The following L1CAM variants were observed in gnomAD, a reference collection of about 807,000 sequenced individuals.
L1CAM encodes the protein neural cell adhesion molecule L1.
Under a neutral mutation model 93.0 loss-of-function variants are expected in L1CAM, and 8 were observed. The ratio of observed to expected loss-of-function variants is 0.09; its 90% CI spans 0.05 to 0.16. The LOEUF (loss-of-function observed/expected upper bound fraction) is 0.16, where lower values mean the gene tolerates loss of function less well. Among genes scored for constraint, L1CAM ranks in the 10% least tolerant of loss-of-function variants. L1CAM has a pLI of 1.00. For missense variants in L1CAM, 777 were observed against 1,073.4 expected (o/e 0.72, Z 3.86); for synonymous variants, 453 against 453.0 (o/e 1.00, Z 0.00).
intron 25 of L1CAM, 146 bp downstream of exon 25, chrX:153,864,176 C>T (rs1380049361): frequency 7.0e-6 from 7 of 1,002,412 alleles, no homozygotes; most frequent in Admixed American, 6.6e-5. Context: ...GGGGCTGATT[C>T]GGGGACACCC....
intron 1 of L1CAM, among the ~76,000 whole-genome samples, chrX:153,881,712 C>G (rs1237843020): frequency 1.8e-5 from 2 of 111,311 alleles, no homozygotes; most frequent in Non-Finnish European, 3.8e-5. Context: ...TTCTTGCAAC[C>G]AGAGGCTCCA....
intron 16 of L1CAM, 92 bp downstream of exon 16, chrX:153,867,708 C>T (rs2064727241): frequency 1.0e-6 from 1 of 998,835 alleles, no homozygotes. Flanking sequence ...AACCGTGTCC[C>T]CCCAGGAAGG....
intron 1 of L1CAM, among the ~76,000 whole-genome samples, chrX:153,881,560 C>A (rs1240402265): frequency 9.0e-6 from 1 of 111,637 alleles, no homozygotes; most frequent in Non-Finnish European, 1.9e-5. Flanking sequence ...AGCTGAAGCC[C>A]GACACCAAAC....
At chrX:153,874,899 C>G (rs4646264) in intron 2 of L1CAM, among the ~76,000 whole-genome samples, 5,333 of 112,095 alleles carry the variant, frequency 0.048, 149 homozygotes, top group African/African-American at 0.1. Flanking sequence ...GCCCCACTCA[C>G]ACATACACAT....
chrX:153,881,318 C>T (rs989567663), intron 1 of L1CAM, among the ~76,000 whole-genome samples: 3 of 111,792 alleles, frequency 2.7e-5, no homozygotes, highest in Non-Finnish European at 5.7e-5. Flanking sequence ...TTTTAGAGGG[C>T]GTGGTGGCTC....
intron 26 of L1CAM, 109 bp from the exon 27 acceptor site, chrX:153,863,658 G>C: frequency 1.1e-6 from 1 of 871,019 alleles, no homozygotes; most frequent in Admixed American, 2.6e-5. Context: ...GCGCCCAGAG[G>C]CAAGAGGCCT....
rs782006675 is a variant in L1CAM at position 153,863,461 on chromosome X, T to C, written c.3530+16A>G. 4.1e-6 allele frequency: 5 copies of C among 1,207,957 alleles called. No homozygotes were observed. Among genetic ancestry groups the C allele is most frequent in the African/African-American group, 1.8e-5 (1 of 56,956 alleles). On this transcript the variant is annotated intron_variant, in intron 27 of 28. Transcript: ENST00000370060. ...GGTGGAGCTGAGTGCCAGCACCCAC[T>C]CCTGCCCCGGCTCACCTGTACTCGC...
chrX:153,863,629 C>T, intron 26 of L1CAM, 80 bp from the exon 27 acceptor site: 2 of 969,850 alleles, frequency 2.1e-6, no homozygotes, highest in South Asian at 4.1e-5. Context: ...CCCCGCACCC[C>T]CAGCACTCTG....
At chrX:153,867,730 G>A (rs1241644848) in intron 16 of L1CAM, 70 bp downstream of exon 16, 1 of 1,047,866 alleles carries the variant, frequency 9.5e-7, no homozygotes, top group Non-Finnish European at 1.3e-6. Flanking sequence ...TCCAGGAGGA[G>A]GGAGGACCCC....
chrX:153,866,933 C>T (rs1603274781), intron 18 of L1CAM, 62 bp from the exon 19 acceptor site: 7 of 1,138,146 alleles, frequency 6.2e-6, no homozygotes, highest in African/African-American at 5.4e-5. Context: ...TTTGGCCCGC[C>T]CCCCAGCACA....
intron 1 of L1CAM, chrX:153,884,394 C>T (rs1178283785): frequency 2.1e-5 from 8 of 376,911 alleles, no homozygotes; most frequent in Admixed American, 4.9e-5. Context: ...CTTTTAGGAG[C>T]GCGGTGTAGC....
At chrX:153,883,965 C>T (rs913106278) in intron 1 of L1CAM, 7 of 341,037 alleles carry the variant, frequency 2.1e-5, no homozygotes, top group South Asian at 5.2e-5. Flanking sequence ...CCAAGGAAGG[C>T]GCCAGCTGTA....
chrX:153,871,856 A>T (rs1224861791), intron 5 of L1CAM, among the ~76,000 whole-genome samples: 1 of 33,541 alleles, frequency 3.0e-5, no homozygotes, highest in East Asian at 8.2e-4. Context: ...TCCCCCCACC[A>T]GCCCGCCCCC....
chrX:153,871,751 G>A (rs1557093193), intron 5 of L1CAM, among the ~76,000 whole-genome samples: 1 of 111,156 alleles, frequency 9.0e-6, no homozygotes, highest in African/African-American at 3.3e-5. Flanking sequence ...GGAGAGCCAA[G>A]TGGAAAAGCC....
At position 153,868,688 on chromosome X, in the gene L1CAM, G is replaced by C. The variant is rs2064738134; in HGVS notation, c.1419C>G (p.Arg473=). 2 of 1,211,899 alleles carry C rather than the reference G, an allele frequency of 1.7e-6. No homozygotes were observed. The highest frequency in any genetic ancestry group is 2.2e-6 in the Non-Finnish European group (2 of 895,513). ...EDGTTVLQDE[R]FFPYANGTLG... The stretch of plus-strand genomic sequence containing the variant: ...GGGTCCCATTGGCATAGGGGAAGAA[G>C]CGTTCGTCCTGAAGCACTGTTGTCC... The change falls in exon 13 of 29, where the codon CGC becomes CGG. Residue 473 remains arginine, a synonymous_variant. Coordinates refer to ENST00000370060, the MANE Select transcript of L1CAM (RefSeq NM_001278116.2).
chrX:153,868,931 G>T lies in L1CAM; in HGVS notation c.1289C>A (p.Thr430Asn). ...AGCCATGTACGTCTGATTGTCCGCA[G>T]TCAGGATCTTGGCTGGCAGCTCTAG... ...YVVQLPAKIL[T>N]ADNQTYMAVQ... The change falls in exon 12 of 29, where the codon ACT becomes AAT. Residue 430 changes from threonine to asparagine, a missense_variant. Physicochemically the swap from Thr to Asn is moderately conservative, Grantham distance 65 (BLOSUM62 0). Coordinates refer to ENST00000370060, the MANE Select transcript of L1CAM (RefSeq NM_001278116.2). The T allele has an allele frequency of 1.7e-6, 2 of 1,210,878 alleles. No individual in the cohort carries two copies. Among genetic ancestry groups the T allele is most frequent in the African/African-American group, 1.7e-5 (1 of 57,908 alleles).
intron 13 of L1CAM, 25 bp downstream of exon 13, chrX:153,868,536 A>T: frequency 8.2e-7 from 1 of 1,212,278 alleles, no homozygotes; most frequent in African/African-American, 1.7e-5. Context: ...AGGCACTGCC[A>T]GCCATGTGGC....
At chrX:153,866,526 G>C in intron 19 of L1CAM, 123 bp downstream of exon 19, 1 of 505,305 alleles carries the variant, frequency 2.0e-6, no homozygotes, top group South Asian at 3.2e-5. Flanking sequence ...CGTCGCTCTG[G>C]TTATGTAAGA....
In L1CAM at chrX:153,869,901, T is replaced by G; in HGVS notation, c.1025A>C (p.His342Pro). The change falls in exon 10 of 29, where the codon CAT becomes CCT. Residue 342 changes from histidine to proline, a missense_variant. By Grantham distance (77) the His-to-Pro change is moderately conservative (BLOSUM62 -2). Coordinates refer to ENST00000370060, the MANE Select transcript of L1CAM (RefSeq NM_001278116.2). ...APYWLHKPQS[H>P]LYGPGETARL... ...GGCAGTCTCTCCTGGCCCATATAGA[T>G]GGCTCTGGGGCTTGTGCAGCCAGTA... is the stretch of plus-strand genomic sequence containing the variant. 1 of 1,209,825 alleles carries G rather than the reference T, an allele frequency of 8.3e-7. No homozygotes were observed. The highest frequency in any genetic ancestry group is 1.1e-6 in the Non-Finnish European group (1 of 894,836).
Sources: allele counts gnomAD v4.1 joint callset (sites outside exome capture counted in the v4.1 genomes callset), GRCh38; gene constraint gnomAD v4.1.1; transcripts MANE v1.5; gene names NCBI Gene and HGNC (gene_info 2026-07-23, HGNC 2026-07-21).